The following RBKS variants were observed in gnomAD, a reference collection of about 807,000 sequenced individuals.
The protein encoded by RBKS is ribokinase.
Under a neutral mutation model 33.9 loss-of-function variants are expected in RBKS, and 33 were observed. That is an observed-to-expected ratio of 0.97 (90% CI 0.74 to 1.30). The LOEUF (loss-of-function observed/expected upper bound fraction) is 1.30. Among genes scored for constraint, RBKS ranks in the 50% most tolerant of loss-of-function variants. The pLI is 0.00. For synonymous variants in RBKS, 125 were observed against 143.0 expected, an observed-to-expected ratio of 0.87 and a Z score of 0.90; for missense variants, 361 against 392.6, an observed-to-expected ratio of 0.92 and a Z score of 0.68.
intron 5 of RBKS, among the ~76,000 whole-genome samples, chr2:27,840,557 G>A (rs1663473308): frequency 6.6e-6 from 1 of 151,982 alleles, no homozygotes; most frequent in Admixed American, 6.6e-5. Flanking sequence ...AAGTTCTATT[G>A]GGGTTACAGT....
chr2:27,886,460 T>G (rs114811563), intron 1 of RBKS, among the ~76,000 whole-genome samples: 1,588 of 152,312 alleles, frequency 0.01, 23 homozygotes, highest in African/African-American at 0.037. Context: ...CCTTAGTTGT[T>G]ATTCCTTATC....
intron 1 of RBKS, among the ~76,000 whole-genome samples, chr2:27,882,800 A>G (rs533445322): frequency 3.9e-5 from 6 of 152,220 alleles, no homozygotes; most frequent in Non-Finnish European, 8.8e-5. Context: ...GCTGGAGGCC[A>G]TTATCCTTAG....
At chr2:27,888,605 C>T (rs1376173556) in intron 1 of RBKS, among the ~76,000 whole-genome samples, 1 of 152,074 alleles carries the variant, frequency 6.6e-6, no homozygotes, top group Non-Finnish European at 1.5e-5. Context: ...TATTTTTATA[C>T]AAAATTTAGT....
chr2:27,789,925 G>GTA lies in RBKS; in HGVS notation c.796-8139_796-8138dup, dbSNP rs376783086. On this transcript the variant is annotated intron_variant, in intron 7 of 7. Coordinates refer to ENST00000302188, the MANE Select transcript of RBKS (RefSeq NM_022128.3). ...AGTGTGTGTGTGTGTGTTTGTGTGT[G>GTA]TATATATATATATATGTATATGTGT... is the stretch of plus-strand genomic sequence containing the variant. Among the ~76,000 whole-genome samples, 690 of 130,600 alleles carry GTA rather than the reference G, an allele frequency of 5.3e-3. 3 individuals carry two copies. The highest frequency in any genetic ancestry group is 7.9e-3 in the Non-Finnish European group (498 of 63,150). The allele number at this position is 130,600 out of a possible 152,430, so 85.7% of individuals were successfully genotyped here. A position where few individuals can be genotyped will look rare whatever the true frequency, so the allele number is the denominator to read the frequency against.
At chr2:27,787,967 A>AT (rs1346621941) in intron 7 of RBKS, among the ~76,000 whole-genome samples, 6 of 152,204 alleles carry the variant, frequency 3.9e-5, no homozygotes, top group Non-Finnish European at 7.4e-5. Flanking sequence ...AATCAGTGTA[A>AT]TTCAGTAATA....
chr2:27,811,743 G>A (rs1315611182), intron 7 of RBKS, among the ~76,000 whole-genome samples: 1 of 152,182 alleles, frequency 6.6e-6, no homozygotes, highest in East Asian at 1.9e-4. Context: ...AAAACAAAGA[G>A]AGTTCTAAAA....
At chr2:27,875,608 C>T (rs189561932) in intron 1 of RBKS, among the ~76,000 whole-genome samples, 1 of 152,234 alleles carries the variant, frequency 6.6e-6, no homozygotes. Flanking sequence ...GAAATTCCAG[C>T]TCTAGGAATT....
intron 7 of RBKS, among the ~76,000 whole-genome samples, chr2:27,800,987 G>A (rs1677767641): frequency 1.3e-5 from 2 of 152,230 alleles, no homozygotes; most frequent in Non-Finnish European, 2.9e-5. Context: ...GGGTAAGGCT[G>A]CAGGACAGGA....
chr2:27,826,269 C>A (rs778344471), intron 7 of RBKS, among the ~76,000 whole-genome samples: 1 of 152,112 alleles, frequency 6.6e-6, no homozygotes, highest in Non-Finnish European at 1.5e-5. Context: ...ATTTTAAAGT[C>A]GCTTCTAAGC....
rs533394982 is a variant in RBKS, at chr2:27,784,192, C to A, written c.796-2404G>T. Among the ~76,000 whole-genome samples the A allele has an allele frequency of 2.2e-3, 339 of 151,278 alleles. 4 individuals carry two copies. Among genetic ancestry groups the A allele is most frequent in the African/African-American group, 7.8e-3 (323 of 41,272 alleles). On this transcript the variant is annotated intron_variant, in intron 7 of 7. Coordinates refer to ENST00000302188, the MANE Select transcript of RBKS (RefSeq NM_022128.3). ...TAGAGACGGGGTTTCACCGTTTTAG[C>A]CGGGATGGTCTCGATCTCCTGACCT...
chr2:27,805,240 T>C (rs1677874901), intron 7 of RBKS, among the ~76,000 whole-genome samples: 1 of 152,180 alleles, frequency 6.6e-6, no homozygotes, highest in Non-Finnish European at 1.5e-5. Context: ...GTTTACAAAT[T>C]TGTGTTGGAC....
At chr2:27,792,887 A>G (rs927087234) in intron 7 of RBKS, among the ~76,000 whole-genome samples, 1 of 152,020 alleles carries the variant, frequency 6.6e-6, no homozygotes, top group Non-Finnish European at 1.5e-5. Flanking sequence ...GAGTTACTCA[A>G]AACACTTCAA....
At chr2:27,789,941 G>GTATATA (rs1169639270) in intron 7 of RBKS, among the ~76,000 whole-genome samples, 15 of 96,508 alleles carry the variant, frequency 1.6e-4, no homozygotes, top group South Asian at 3.3e-4. Context: ...ATATATATAT[G>GTATATA]TATATGTGTA....
At chr2:27,856,644 A>T (rs1681223228) in intron 2 of RBKS, among the ~76,000 whole-genome samples, 2 of 152,200 alleles carry the variant, frequency 1.3e-5, no homozygotes, top group Admixed American at 6.5e-5. Context: ...AAAACATCCA[A>T]GAGAGGGGTT....
chr2:27,782,778 T>C, intron 7 of RBKS: 1 of 298,580 alleles, frequency 3.3e-6, no homozygotes, highest in South Asian at 3.0e-5. Context: ...AATTTTAATT[T>C]TTTTTTTCAT....
intron 1 of RBKS, among the ~76,000 whole-genome samples, chr2:27,865,751 G>T (rs1664087914): frequency 6.6e-6 from 1 of 151,434 alleles, no homozygotes; most frequent in Admixed American, 6.6e-5. Flanking sequence ...GGTTGATCTA[G>T]GGTTTACAAT....
At chr2:27,786,813 A>C (rs576676778) in intron 7 of RBKS, among the ~76,000 whole-genome samples, 2 of 151,756 alleles carry the variant, frequency 1.3e-5, no homozygotes, top group South Asian at 4.2e-4. Flanking sequence ...AGTTTAAAAA[A>C]TATTGTACCC....
At position 27,794,631 on chromosome 2, in the gene RBKS, T is replaced by C. The variant is rs113296097; in HGVS notation, c.796-12843A>G. Among the ~76,000 whole-genome samples, 27 of 89,424 alleles carry C rather than the reference T, an allele frequency of 3.0e-4. No homozygotes were observed. In the South Asian group the frequency reaches 7.7e-3, roughly 26 times the overall value. 58.7% of individuals were successfully genotyped at this position (89,424 alleles called of 152,430 possible). A position where few individuals can be genotyped will look rare whatever the true frequency, so the allele number is the denominator to read the frequency against. On this transcript the variant is annotated intron_variant, in intron 7 of 7. Coordinates refer to ENST00000302188, the MANE Select transcript of RBKS (RefSeq NM_022128.3). ...ACACTTTCGTTTTTTTTTCTTTTTT[T>C]TTTTTTTTGAGCTGGAGTTTTCGCT...
chr2:27,890,222 C>A lies in RBKS; in HGVS notation c.89+35G>T. The A allele has an allele frequency of 6.2e-7, 1 of 1,602,152 alleles. No homozygotes were observed. Among genetic ancestry groups the A allele is most frequent in the Non-Finnish European group, 8.5e-7 (1 of 1,171,552 alleles). Reference sequence around the variant, plus strand: ...ATAGCGCACGGCACGCCTCCTCCCCCGAGCCGCAGACTGAGTAACTGGCCC... The same window carrying A: ...ATAGCGCACGGCACGCCTCCTCCCCAGAGCCGCAGACTGAGTAACTGGCCC... On this transcript the variant is annotated intron_variant, in intron 1 of 7. Transcript: ENST00000302188. This position sits in a 1 kb window ranked among gnomAD's most constrained non-coding sequence, Gnocchi z 4.8.
Sources: gnomAD v4.1 joint callset for allele counts (sites outside exome capture counted in the v4.1 genomes callset) on GRCh38, gnomAD v4.1.1 for gene constraint, Gnocchi (gnomAD v3.1) non-coding constraint, MANE v1.5 for transcripts, NCBI Gene and HGNC (gene_info 2026-07-23, HGNC 2026-07-21) for gene names.